The following GPR157 variants were observed in gnomAD, a reference collection of about 807,000 sequenced individuals.
GPR157 encodes the protein G protein-coupled receptor 157.
GPR157 carries 16 observed loss-of-function variants against 23.5 expected under a neutral mutation model. The ratio of observed to expected loss-of-function variants is 0.68; its 90% CI spans 0.46 to 1.04. The LOEUF (loss-of-function observed/expected upper bound fraction) is 1.04. Among genes scored for constraint, GPR157 ranks in the 50% least tolerant of loss-of-function variants. The pLI is 0.00. For synonymous variants in GPR157, 200 were observed against 221.5 expected (o/e 0.90, Z 0.86); for missense variants, 440 against 460.7 (o/e 0.96, Z 0.41).
At chr1:9,117,534 C>T (rs1215613855) in intron 1 of GPR157, among the ~76,000 whole-genome samples, 1 of 152,194 alleles carries the variant, frequency 6.6e-6, no homozygotes, top group Non-Finnish European at 1.5e-5. Context: ...CCGAGGTGGG[C>T]AGATCACCTG....
intron 2 of GPR157, among the ~76,000 whole-genome samples, chr1:9,106,382 A>C (rs1474289401): frequency 1.3e-5 from 2 of 151,844 alleles, no homozygotes; most frequent in East Asian, 3.9e-4. Context: ...TGAAAACCCG[A>C]GTCTGCTCCA....
rs1453539647 is a variant in GPR157, at chr1:9,128,938, G to T, written c.90C>A (p.Gly30=). The T allele has an allele frequency of 4.0e-6, 6 of 1,518,258 alleles. No homozygotes were observed. The highest frequency in any genetic ancestry group is 5.3e-6 in the Non-Finnish European group (6 of 1,134,840). The allele number at this position is 1,518,258 out of a possible 1,614,324, so 94.0% of individuals were successfully genotyped here. ...LSCALSALGS[G]LLVATHALWP... is the part of the protein sequence containing the mutation. ...ACAGGGCGTGCGTGGCCACCAGCAGGCCCGAGCCGAGCGCGGAGAGTGCGC... is the reference window on the plus strand; with the variant it reads ...ACAGGGCGTGCGTGGCCACCAGCAGTCCCGAGCCGAGCGCGGAGAGTGCGC... Residue 30 remains glycine (G), a synonymous_variant, in exon 1 of 4, where the codon GGC becomes GGA. Coordinates refer to ENST00000377411, the MANE Select transcript of GPR157 (RefSeq NM_024980.5). This position sits in a 1 kb window ranked among gnomAD's most constrained non-coding sequence, Gnocchi z 6.3.
At chr1:9,111,709 G>T (rs1007123457) in intron 1 of GPR157, among the ~76,000 whole-genome samples, 1 of 152,192 alleles carries the variant, frequency 6.6e-6, no homozygotes, top group African/African-American at 2.4e-5. Context: ...GAGTGACGTG[G>T]GACAGCCAGC....
At chr1:9,104,818 A>T (rs2666432) in intron 3 of GPR157, among the ~76,000 whole-genome samples, 184 bp from the exon 4 acceptor site, 33,144 of 151,614 alleles carry the variant, frequency 0.22, 4,580 homozygotes, top group African/African-American at 0.39. Flanking sequence ...CTGGCCAACA[A>T]GGTGAAACCC....
chr1:9,114,045 G>A (rs1336795012), intron 1 of GPR157, among the ~76,000 whole-genome samples: 1 of 150,998 alleles, frequency 6.6e-6, no homozygotes, highest in Non-Finnish European at 1.5e-5. Flanking sequence ...GACAGGCCAG[G>A]CGAGGTGGCT....
rs1639010551 is a variant in GPR157 at position 9,128,370 on chromosome 1, AG to A, written c.383+274del. The A allele has an allele frequency of 3.0e-6, 2 of 676,418 alleles. No homozygotes were observed. The highest frequency in any genetic ancestry group is 2.4e-4 in the Middle Eastern group (1 of 4,248). The allele number at this position is 676,418 out of a possible 1,614,324, so 41.9% of individuals were successfully genotyped here. ...AGAGTGTCCTCCCCAGCCCCGTCCA[AG>A]GAAACAGGGCCCGGCTCTGGGGGCG... On this transcript the variant is annotated intron_variant, in intron 1 of 3. Coordinates refer to ENST00000377411, the MANE Select transcript of GPR157 (RefSeq NM_024980.5). This position sits in a 1 kb window ranked among gnomAD's most constrained non-coding sequence, Gnocchi z 6.3.
At chr1:9,117,923 C>A (rs1638720932) in intron 1 of GPR157, among the ~76,000 whole-genome samples, 1 of 152,142 alleles carries the variant, frequency 6.6e-6, no homozygotes. Flanking sequence ...TTAATAACTG[C>A]ACATATGAAA....
In GPR157 at chr1:9,102,307, A is replaced by T. The variant is rs762920602; in HGVS notation, c.*2112T>A. 3 of 147,670 alleles carry T rather than the reference A, an allele frequency of 2.0e-5. No individual in the cohort carries two copies. Among genetic ancestry groups the T allele is most frequent in the Non-Finnish European group, 4.5e-5 (3 of 67,290 alleles). 9.1% of individuals were successfully genotyped at this position (147,670 alleles called of 1,614,324 possible). On this transcript the variant is annotated 3_prime_UTR_variant, in exon 4 of 4. Coordinates refer to ENST00000377411, the MANE Select transcript of GPR157 (RefSeq NM_024980.5). Reference sequence around the variant, plus strand: ...ATGCCTGTAATCCCAGCAGCTTGGGATTGGGAAGCAGGAGAATCGCTTGAA... The same window carrying T: ...ATGCCTGTAATCCCAGCAGCTTGGGTTTGGGAAGCAGGAGAATCGCTTGAA...
chr1:9,119,719 C>T (rs559219332), intron 1 of GPR157, among the ~76,000 whole-genome samples: 12 of 152,242 alleles, frequency 7.9e-5, no homozygotes, highest in Admixed American at 3.9e-4. Context: ...AAAGCTGGGC[C>T]GGGACCCTCC....
rs748931873 is a variant in GPR157 at position 9,105,625 on chromosome 1, C to T, written c.653G>A (p.Arg218His). Residue 218 changes from arginine (R) to histidine (H), a missense_variant, in exon 3 of 4, where the codon CGC (arginine) becomes CAC (histidine). Transcript: ENST00000377411. This position sits in a 1 kb window ranked among gnomAD's most constrained non-coding sequence, Gnocchi z 4.8. ...CTTCTTGTCCGCCATGGAGGAGTGGCGCAGCAGGCGGTGCTCCTGGGAGAG... is the reference window on the plus strand; with the variant it reads ...CTTCTTGTCCGCCATGGAGGAGTGGTGCAGCAGGCGGTGCTCCTGGGAGAG... ...PILSQEHRLL[R>H]HSSMADKKLV... 10 of 1,612,814 alleles carry T rather than the reference C, an allele frequency of 6.2e-6. No homozygotes were observed. Among genetic ancestry groups the T allele is most frequent in the South Asian group, 5.5e-5 (5 of 90,580 alleles).
chr1:9,128,956 G>A lies in GPR157; in HGVS notation c.72C>T (p.Leu24=), dbSNP rs1392324655. Residue 24 remains leucine (L), a synonymous_variant, in exon 1 of 4, where the codon CTC becomes CTT. Coordinates refer to ENST00000377411, the MANE Select transcript of GPR157 (RefSeq NM_024980.5). The surrounding 1 kb of genome is among the most constrained non-coding windows in gnomAD (Gnocchi z 6.3). ...ERAVVLLSCA[L]SALGSGLLVA... ...CCAGCAGGCCCGAGCCGAGCGCGGA[G>A]AGTGCGCACGACAGCAGCACCACGG... 6.7e-7 allele frequency: 1 copy of A among 1,492,594 alleles called. No individual in the cohort carries two copies. The highest frequency in any genetic ancestry group is 1.4e-5 in the African/African-American group (1 of 71,638). 92.5% of individuals were successfully genotyped at this position (1,492,594 alleles called of 1,614,324 possible).
At chr1:9,104,889 G>A (rs1230482580) in intron 3 of GPR157, among the ~76,000 whole-genome samples, 4 of 151,582 alleles carry the variant, frequency 2.6e-5, no homozygotes, top group East Asian at 1.9e-4. Flanking sequence ...TAGTCCCAGC[G>A]ACACGGAGGC....
In GPR157 at chr1:9,128,803, C is replaced by G; in HGVS notation, c.225G>C (p.Pro75=). Reference sequence around the variant, plus strand: ...CGCCCTGCAGCACGCAGTCCCACGACGGGCCCGCGAAGTTCTGCAGCACTC... The same window carrying G: ...CGCCCTGCAGCACGCAGTCCCACGAGGGGCCCGCGAAGTTCTGCAGCACTC... ...FYGVLQNFAG[P]SWDCVLQGAL... Residue 75 remains proline (P), a synonymous_variant, in exon 1 of 4, where the codon CCG becomes CCC. Coordinates refer to ENST00000377411, the MANE Select transcript of GPR157 (RefSeq NM_024980.5). This position sits in a 1 kb window ranked among gnomAD's most constrained non-coding sequence, Gnocchi z 6.3. 6.2e-7 allele frequency: 1 copy of G among 1,610,732 alleles called. No individual in the cohort carries two copies. The highest frequency in any genetic ancestry group is 8.5e-7 in the Non-Finnish European group (1 of 1,178,496).
chr1:9,114,705 G>A (rs1053751778), intron 1 of GPR157, among the ~76,000 whole-genome samples: 1 of 152,126 alleles, frequency 6.6e-6, no homozygotes, highest in Non-Finnish European at 1.5e-5. Flanking sequence ...AGTTTGTGCT[G>A]GGAAATAACC....
chr1:9,107,651 C>T (rs1262888972), intron 2 of GPR157, among the ~76,000 whole-genome samples: 1 of 151,112 alleles, frequency 6.6e-6, no homozygotes. Flanking sequence ...TAGGCGCGGG[C>T]ACAGTGGCTC....
At chr1:9,108,541 C>T (rs1009199684) in intron 2 of GPR157, among the ~76,000 whole-genome samples, 17 of 152,102 alleles carry the variant, frequency 1.1e-4, no homozygotes, top group Non-Finnish European at 1.6e-4. Flanking sequence ...TCAGGGGTCC[C>T]GGAAACTTTC....
At chr1:9,117,774 A>C (rs1569967425) in intron 1 of GPR157, among the ~76,000 whole-genome samples, 1 of 152,026 alleles carries the variant, frequency 6.6e-6, no homozygotes, top group East Asian at 1.9e-4. Flanking sequence ...AAAAAAGCAA[A>C]ACAAACAAAC....
At chr1:9,112,801 G>A (rs1373801224) in intron 1 of GPR157, among the ~76,000 whole-genome samples, 2 of 152,292 alleles carry the variant, frequency 1.3e-5, no homozygotes, top group East Asian at 3.9e-4. Context: ...ACACAGCCAG[G>A]AGTAGGCCCC....
chr1:9,109,022 C>T (rs1638416316), intron 2 of GPR157, among the ~76,000 whole-genome samples: 1 of 151,974 alleles, frequency 6.6e-6, no homozygotes, highest in South Asian at 2.1e-4. Context: ...GTGATCTGCA[C>T]ACCTCGGCCT....
Sources: allele counts gnomAD v4.1 joint callset (sites outside exome capture counted in the v4.1 genomes callset), GRCh38; gene constraint gnomAD v4.1.1; non-coding constraint Gnocchi (gnomAD v3.1); transcripts MANE v1.5; gene names NCBI Gene and HGNC (gene_info 2026-07-23, HGNC 2026-07-21).